GRIA4: variants seen among roughly 807,000 people sequenced by gnomAD.
GRIA4 encodes the protein glutamate ionotropic receptor AMPA type subunit 4.
A neutral mutation model predicts 104.0 loss-of-function variants in GRIA4; 34 were observed. The observed-to-expected ratio is 0.33, with a 90% confidence interval of 0.25 to 0.44. The LOEUF is 0.44. Ranked by LOEUF, GRIA4 falls within the 20% of genes least tolerant of loss-of-function variation. GRIA4 has a pLI of 1.00. For synonymous variants in GRIA4, 386 were observed against 381.9 expected (o/e 1.01, Z -0.13); for missense variants, 750 against 1,096.5 (o/e 0.68, Z 4.46).
At chr11:105,975,446 A>G (rs1480614916) in intron 16 of GRIA4, among the ~76,000 whole-genome samples, 2 of 152,072 alleles carry the variant, frequency 1.3e-5, no homozygotes, top group African/African-American at 2.4e-5. Context: ...AATTGTAAGC[A>G]TTCAGTAAAA....
At chr11:105,974,751 G>T (rs1432141935) in intron 16 of GRIA4, 1 of 525,196 alleles carries the variant, frequency 1.9e-6, no homozygotes, top group Non-Finnish European at 3.4e-6. Flanking sequence ...ATAGATATCT[G>T]CATTGCAAGG....
chr11:105,698,848 T>C (rs1369669561), intron 3 of GRIA4, among the ~76,000 whole-genome samples: 1 of 152,208 alleles, frequency 6.6e-6, no homozygotes, highest in African/African-American at 2.4e-5. Flanking sequence ...GCACATGTCA[T>C]GATGATTCCT....
At chr11:105,896,413 A>G (rs1946654499) in intron 6 of GRIA4, among the ~76,000 whole-genome samples, 1 of 152,096 alleles carries the variant, frequency 6.6e-6, no homozygotes, top group East Asian at 1.9e-4. Flanking sequence ...TGCTGTGCAG[A>G]AGCTCTTTAG....
chr11:105,953,900 CAG>C (rs1250942020), intron 14 of GRIA4, among the ~76,000 whole-genome samples: 1 of 151,950 alleles, frequency 6.6e-6, no homozygotes, highest in Non-Finnish European at 1.5e-5. Context: ...TTTCTGAAAA[CAG>C]AGATATAAAC....
rs369945342 is a variant in GRIA4, at chr11:105,648,191, T to C, written c.247+35757T>C. On this transcript the variant is annotated intron_variant, in intron 3 of 16. Transcript: ENST00000282499. ...AGACACTGTGGAGAGTGGAAGTCGA[T>C]ATAGTGAGATAAATAAGCATGTCAT... Among the ~76,000 whole-genome samples, 19 of 151,782 alleles carry C rather than the reference T, an allele frequency of 1.3e-4. No individual in the cohort carries two copies. The East Asian group carries it at 3.3e-3, about 26-fold the overall frequency.
chr11:105,832,293 G>T (rs951230990), intron 4 of GRIA4, among the ~76,000 whole-genome samples: 1 of 151,764 alleles, frequency 6.6e-6, no homozygotes, highest in Non-Finnish European at 1.5e-5. Context: ...TTAACACAGG[G>T]TGATTAACTT....
At chr11:105,648,402 T>C (rs1370962737) in intron 3 of GRIA4, among the ~76,000 whole-genome samples, 1 of 151,312 alleles carries the variant, frequency 6.6e-6, no homozygotes, top group African/African-American at 2.4e-5. Flanking sequence ...ATTCTATTTT[T>C]AAAAATTGGA....
At chr11:105,877,288 G>A (rs1945863414) in intron 5 of GRIA4, among the ~76,000 whole-genome samples, 1 of 152,194 alleles carries the variant, frequency 6.6e-6, no homozygotes, top group African/African-American at 2.4e-5. Context: ...CTGTTAGTCT[G>A]ACAGGCTTCC....
At chr11:105,909,892 G>A (rs1185523424) in intron 9 of GRIA4, among the ~76,000 whole-genome samples, 1 of 152,122 alleles carries the variant, frequency 6.6e-6, no homozygotes, top group Non-Finnish European at 1.5e-5. Flanking sequence ...ATTCATCTCT[G>A]ATGTAGTTAG....
chr11:105,663,017 A>T (rs932748644), intron 3 of GRIA4, among the ~76,000 whole-genome samples: 1 of 151,968 alleles, frequency 6.6e-6, no homozygotes, highest in Non-Finnish European at 1.5e-5. Flanking sequence ...TTGCCAAAAA[A>T]TAATCACGAC....
At chr11:105,623,492 G>A (rs560305609) in intron 3 of GRIA4, among the ~76,000 whole-genome samples, 42 of 152,028 alleles carry the variant, frequency 2.8e-4, no homozygotes, top group Non-Finnish European at 5.7e-4. Flanking sequence ...TCTTTACCAT[G>A]GCCCTGCATG....
At chr11:105,927,131 T>C (rs1465640082) in intron 13 of GRIA4, among the ~76,000 whole-genome samples, 192 bp downstream of exon 13, 5 of 152,130 alleles carry the variant, frequency 3.3e-5, no homozygotes, top group African/African-American at 7.2e-5. Context: ...GACTTATTCA[T>C]ATTGCAAGAG....
At chr11:105,941,068 A>C (rs1948170062) in intron 14 of GRIA4, among the ~76,000 whole-genome samples, 6 of 152,196 alleles carry the variant, frequency 3.9e-5, no homozygotes, top group African/African-American at 1.2e-4. Flanking sequence ...CAACATCAGA[A>C]TAGAAAATTG....
intron 3 of GRIA4, among the ~76,000 whole-genome samples, chr11:105,634,468 G>GAAAA (rs1951134673): frequency 1.1e-5 from 1 of 94,298 alleles, no homozygotes; most frequent in Non-Finnish European, 2.2e-5. Flanking sequence ...AGAAAGAAAG[G>GAAAA]GAAAGAAAGA....
rs1373439624 is a variant in GRIA4, at chr11:105,970,798, A to G, written c.2295-1116A>G. 3.9e-5 allele frequency among the ~76,000 whole-genome samples: 6 copies of G among 152,348 alleles called. No homozygotes were observed. The East Asian group carries it at 5.8e-4, about 15-fold the overall frequency. On this transcript the variant is annotated intron_variant, in intron 14 of 16. Transcript: ENST00000282499. ...CTTGGGATGAAATGAAAAACCAATA[A>G]GCCAACAAAATGGTAACAACAAAAG...
chr11:105,708,517 T>C (rs1255024459), intron 3 of GRIA4, among the ~76,000 whole-genome samples: 1 of 152,146 alleles, frequency 6.6e-6, no homozygotes, highest in African/African-American at 2.4e-5. Flanking sequence ...TTATTTGTAA[T>C]ACAGTTAGGT....
chr11:105,656,338 A>G (rs1591513445), intron 3 of GRIA4, among the ~76,000 whole-genome samples: 1 of 152,110 alleles, frequency 6.6e-6, no homozygotes. Context: ...CTGAAACTGG[A>G]CCCCTCCCTT....
intron 14 of GRIA4, among the ~76,000 whole-genome samples, chr11:105,938,075 C>T (rs992091766): frequency 1.3e-5 from 2 of 152,172 alleles, no homozygotes; most frequent in African/African-American, 4.8e-5. Flanking sequence ...AGACACTTGG[C>T]CTTAGCCTAG....
intron 16 of GRIA4, 66 bp downstream of exon 16, chr11:105,974,510 T>C (rs1310936856): frequency 6.2e-7 from 1 of 1,613,502 alleles, no homozygotes; most frequent in Admixed American, 1.7e-5. Context: ...TAGCAACCTA[T>C]AGAGAAGGTT....
Sources: gnomAD v4.1 joint callset for allele counts (sites outside exome capture counted in the v4.1 genomes callset) on GRCh38, gnomAD v4.1.1 for gene constraint, MANE v1.5 for transcripts, NCBI Gene and HGNC (gene_info 2026-07-23, HGNC 2026-07-21) for gene names.